The following LDLRAD4 variants were observed in gnomAD, a reference collection of about 807,000 sequenced individuals.
LDLRAD4 encodes the protein low density lipoprotein receptor class A domain containing 4, also known as low-density lipoprotein receptor class A domain-containing protein 4.
In LDLRAD4, 5 loss-of-function variants were observed where a neutral mutation model predicts 17.0. The observed-to-expected ratio is 0.29, with a 90% CI of 0.15 to 0.62. LDLRAD4 has a LOEUF of 0.62. LDLRAD4 is among the 20% of genes least tolerant of loss of function. The pLI, the probability that LDLRAD4 is intolerant of heterozygous loss-of-function variation, is 0.84. For synonymous variants in LDLRAD4, 168 were observed against 171.8 expected (o/e 0.98, Z 0.17); for missense variants, 340 against 424.7 (o/e 0.80, Z 1.75).
chr18:13,286,283 G>C (rs1342070773), intron 1 of LDLRAD4, among the ~76,000 whole-genome samples: 1 of 152,244 alleles, frequency 6.6e-6, no homozygotes, highest in African/African-American at 2.4e-5. Flanking sequence ...CCATTTTAAA[G>C]CTGACTCATA....
intron 3 of LDLRAD4, among the ~76,000 whole-genome samples, chr18:13,493,625 A>T (rs1365042444): frequency 6.6e-6 from 1 of 152,228 alleles, no homozygotes; most frequent in Non-Finnish European, 1.5e-5. Context: ...GCATCGTTTC[A>T]TTAAGGCATA....
In LDLRAD4 at chr18:13,380,949, T is replaced by G. The variant is rs1318513409; in HGVS notation, c.-382-6392T>G. Among the ~76,000 whole-genome samples, 5 of 150,588 alleles carry G rather than the reference T, an allele frequency of 3.3e-5. No homozygotes were observed. The Admixed American group carries it at 3.3e-4, about 10-fold the overall frequency. ...AGAGATGAAAAGTAGCATGAAAAAT[T>G]CATCACACTCCAACTCAGTCTTCCC... On this transcript the variant is annotated intron_variant, in intron 1 of 5. Coordinates refer to ENST00000359446, the Ensembl canonical transcript of LDLRAD4.
intron 3 of LDLRAD4, among the ~76,000 whole-genome samples, chr18:13,597,235 T>G (rs2095106492): frequency 6.6e-6 from 1 of 152,204 alleles, no homozygotes; most frequent in South Asian, 2.1e-4. Context: ...ATATCAAATA[T>G]GTCATCCCAT....
chr18:13,422,210 C>T (rs1237647780), intron 2 of LDLRAD4, among the ~76,000 whole-genome samples: 5 of 152,212 alleles, frequency 3.3e-5, no homozygotes, highest in African/African-American at 9.7e-5. Context: ...GCACATGTCA[C>T]ATGGGCTTAC....
intron 2 of LDLRAD4, among the ~76,000 whole-genome samples, chr18:13,433,283 A>G (rs2090458895): frequency 6.6e-6 from 1 of 152,216 alleles, no homozygotes; most frequent in Non-Finnish European, 1.5e-5. Flanking sequence ...GTCAGAAATG[A>G]TGGAGCCAGA....
At chr18:13,253,647 A>G (rs1479887952) in intron 1 of LDLRAD4, among the ~76,000 whole-genome samples, 3 of 152,200 alleles carry the variant, frequency 2.0e-5, no homozygotes, top group Non-Finnish European at 4.4e-5. Context: ...GAAGGAATGC[A>G]TTCAAAGAAA....
intron 1 of LDLRAD4, among the ~76,000 whole-genome samples, chr18:13,265,507 C>G (rs1166539910): frequency 6.6e-6 from 1 of 152,186 alleles, no homozygotes; most frequent in East Asian, 1.9e-4. Flanking sequence ...CTGGGCTCAT[C>G]GCAATTTGTC....
chr18:13,565,136 G>C (rs867434734), intron 3 of LDLRAD4: 14 of 152,272 alleles, frequency 9.2e-5, no homozygotes, highest in African/African-American at 2.9e-4. Context: ...CAAACAACTA[G>C]GTTTTCTAGG....
At chr18:13,293,071 A>T (rs1014301690) in intron 1 of LDLRAD4, among the ~76,000 whole-genome samples, 2 of 152,252 alleles carry the variant, frequency 1.3e-5, no homozygotes, top group African/African-American at 4.8e-5. Flanking sequence ...TAAAAGGTGG[A>T]TGCATGCTGA....
chr18:13,263,521 G>T (rs1002080768), intron 1 of LDLRAD4, among the ~76,000 whole-genome samples: 2 of 152,214 alleles, frequency 1.3e-5, no homozygotes, highest in Non-Finnish European at 1.5e-5. Context: ...TTGGGAGAGA[G>T]GCAGGGGAGT....
In LDLRAD4 at chr18:13,412,897, A is replaced by C. The variant is rs541511349; in HGVS notation, c.40+25135A>C. ...CAGCTTCTCAAATTTTTATTGATCT[A>C]TGAACCGAGCTGAGAAGTTCATAGT... On this transcript the variant is annotated intron_variant, in intron 2 of 5. Coordinates refer to ENST00000359446, the Ensembl canonical transcript of LDLRAD4. Among the ~76,000 whole-genome samples the C allele has an allele frequency of 2.6e-5, 4 of 152,330 alleles. No homozygotes were observed. The East Asian group carries it at 7.7e-4, about 29-fold the overall frequency.
rs959465402 is a variant in LDLRAD4 at position 13,473,394 on chromosome 18, G to A, written c.181+35010G>A. Among the ~76,000 whole-genome samples, 24 of 152,170 alleles carry A rather than the reference G, an allele frequency of 1.6e-4. No homozygotes were observed. In the East Asian group the frequency reaches 4.4e-3, roughly 28 times the overall value. On this transcript the variant is annotated intron_variant, in intron 3 of 5. Transcript: ENST00000359446. ...GATTCAAAAACCTAGTGGGGGCTGG[G>A]CACTGTGGCTCATGCCTGTAATCCC...
chr18:13,380,980 A>G (rs1045122035), intron 1 of LDLRAD4, among the ~76,000 whole-genome samples: 1 of 152,000 alleles, frequency 6.6e-6, no homozygotes. Flanking sequence ...TTCCCTGGCT[A>G]TAGGCAGCCT....
chr18:13,230,258 C>T (rs927523877), intron 1 of LDLRAD4, among the ~76,000 whole-genome samples: 1 of 152,164 alleles, frequency 6.6e-6, no homozygotes, highest in Non-Finnish European at 1.5e-5. Context: ...CTAGGAGCAA[C>T]ACATTTTTGC....
In LDLRAD4 at chr18:13,638,555, C is replaced by T. The variant is rs148924599; in HGVS notation, c.337-4804C>T. Among the ~76,000 whole-genome samples the T allele has an allele frequency of 2.2e-4, 33 of 152,292 alleles. 1 individual carries two copies. In the East Asian group the frequency reaches 5.0e-3, roughly 23 times the overall value. On this transcript the variant is annotated intron_variant, in intron 4 of 5. Coordinates refer to ENST00000359446, the Ensembl canonical transcript of LDLRAD4. The stretch of plus-strand genomic sequence containing the variant: ...TGAAAGCTGCTGCCAGACCTGTGTG[C>T]CCCCAGAGCAGGTGCCCTCTCGTAA...
At chr18:13,458,388 C>A (rs2092259287) in intron 3 of LDLRAD4, among the ~76,000 whole-genome samples, 1 of 152,176 alleles carries the variant, frequency 6.6e-6, no homozygotes. Context: ...GTGCGTAAAT[C>A]TTTCCACAAG....
chr18:13,303,930 A>T (rs1326149417), intron 1 of LDLRAD4, among the ~76,000 whole-genome samples: 7 of 152,238 alleles, frequency 4.6e-5, no homozygotes, highest in African/African-American at 1.7e-4. Flanking sequence ...AAGGCCCACG[A>T]GTCATCTGCA....
chr18:13,248,795 T>C (rs2043093420), intron 1 of LDLRAD4, among the ~76,000 whole-genome samples: 1 of 152,222 alleles, frequency 6.6e-6, no homozygotes, highest in Non-Finnish European at 1.5e-5. Context: ...ATTGAAATTG[T>C]ATATTATGTT....
chr18:13,611,662 G>T (rs2039569395), intron 3 of LDLRAD4: 8 of 985,354 alleles, frequency 8.1e-6, no homozygotes, highest in Non-Finnish European at 9.6e-6. Context: ...AACTAAAACT[G>T]CCTAGGAACA....
Sources: allele counts gnomAD v4.1 joint callset (sites outside exome capture counted in the v4.1 genomes callset), GRCh38; gene constraint gnomAD v4.1.1; transcripts MANE v1.5; gene names NCBI Gene and HGNC (gene_info 2026-07-23, HGNC 2026-07-21).